The following TAFA5 variants were observed in gnomAD, a reference collection of about 807,000 sequenced individuals.
TAFA5 encodes the protein TAFA chemokine like family member 5, also known as chemokine-like protein TAFA-5.
Under a neutral mutation model 15.3 loss-of-function variants are expected in TAFA5, and 6 were observed. That is an observed-to-expected ratio of 0.39 (90% CI 0.21 to 0.77). The LOEUF is 0.77. Ranked by LOEUF, TAFA5 falls within the 30% of genes least tolerant of loss-of-function variation. The pLI, the probability that TAFA5 is intolerant of heterozygous loss-of-function variation, is 0.41. For missense variants in TAFA5, 161 were observed against 193.1 expected (o/e 0.83, Z 0.98); for synonymous variants, 103 against 80.7 (o/e 1.28, Z -1.48).
chr22:48,654,501 C>T lies in TAFA5; in HGVS notation c.262+7755C>T, dbSNP rs186877624. ...TGCCTGCTCCACAAGGCCCCCACTC[C>T]GTGTGATTCGGGGACAGAGAGCTGC... On this transcript the variant is annotated intron_variant, in intron 2 of 3. Coordinates refer to ENST00000402357, the MANE Select transcript of TAFA5 (RefSeq NM_001082967.3). Among the ~76,000 whole-genome samples the T allele has an allele frequency of 1.2e-4, 19 of 152,356 alleles. No individual in the cohort carries two copies. In the East Asian group the frequency reaches 2.3e-3, roughly 19 times the overall value.
At chr22:48,563,008 C>T (rs1178090913) in intron 1 of TAFA5, among the ~76,000 whole-genome samples, 2 of 152,232 alleles carry the variant, frequency 1.3e-5, no homozygotes, top group Non-Finnish European at 2.9e-5. Flanking sequence ...ATCTCCCACA[C>T]CAGAGCTGGG....
chr22:48,575,408 C>G (rs886633213), intron 1 of TAFA5, among the ~76,000 whole-genome samples: 4 of 146,806 alleles, frequency 2.7e-5, no homozygotes, highest in Non-Finnish European at 4.5e-5. Flanking sequence ...GGGCGCGGGC[C>G]GGAGTCCGAG....
At chr22:48,727,432 C>T (rs1398532284) in intron 3 of TAFA5, among the ~76,000 whole-genome samples, 3 of 152,090 alleles carry the variant, frequency 2.0e-5, no homozygotes, top group African/African-American at 7.2e-5. Flanking sequence ...ATTAAGAGTG[C>T]ATTTGCTTAA....
At chr22:48,528,537 C>G (rs963428411) in intron 1 of TAFA5, among the ~76,000 whole-genome samples, 1 of 152,140 alleles carries the variant, frequency 6.6e-6, no homozygotes, top group Non-Finnish European at 1.5e-5. Context: ...GTCTTCACCC[C>G]CTAGGAGCCT....
At position 48,707,708 on chromosome 22, in the gene TAFA5, C is replaced by T; in HGVS notation, c.263-9C>T. 1 of 1,613,686 alleles carries T rather than the reference C, an allele frequency of 6.2e-7. No homozygotes were observed. The highest frequency in any genetic ancestry group is 8.5e-7 in the Non-Finnish European group (1 of 1,179,736). On this transcript the variant is annotated splice_polypyrimidine_tract_variant and intron_variant, in intron 2 of 3. Transcript: ENST00000402357. The stretch of plus-strand genomic sequence containing the variant: ...AGCACGCTGATTGCCTCTCTCTTTT[C>T]TCCCACAGCAAGAATCATCAAGACC...
rs1928098503 is a variant in TAFA5, at chr22:48,490,241, C to T, written c.112+537C>T. On this transcript the variant is annotated intron_variant, in intron 1 of 3. Transcript: ENST00000402357. The surrounding 1 kb of genome is among the most constrained non-coding windows in gnomAD (Gnocchi z 5.8). ...CCCGGGAAACGGGCTCGTCAGGCGC[C>T]TTCTGGAAAGAGAAGCGAAGTGAGG... Among the ~76,000 whole-genome samples the T allele has an allele frequency of 6.6e-6, 1 of 152,122 alleles. No individual in the cohort carries two copies. Among genetic ancestry groups the T allele is most frequent in the African/African-American group, 2.4e-5 (1 of 41,450 alleles).
At position 48,745,409 on chromosome 22, in the gene TAFA5, G is replaced by A. The variant is rs886397503; in HGVS notation, c.391-4430G>A. Among the ~76,000 whole-genome samples the A allele has an allele frequency of 9.4e-4, 137 of 146,380 alleles. 1 individual carries two copies. The highest frequency in any genetic ancestry group is 3.6e-3 in the Middle Eastern group (1 of 278). ...GTTCACCCTGAGCATGGGCACACAC[G>A]GCTTTGTCGTCGGCGGCTGGCCTGC... On this transcript the variant is annotated intron_variant, in intron 3 of 3. Coordinates refer to ENST00000402357, the MANE Select transcript of TAFA5 (RefSeq NM_001082967.3).
intron 1 of TAFA5, among the ~76,000 whole-genome samples, chr22:48,554,825 C>T (rs929493677): frequency 1.3e-5 from 2 of 152,178 alleles, no homozygotes; most frequent in African/African-American, 2.4e-5. Context: ...TCTCTCTTTC[C>T]CCGAGTGTCA....
intron 2 of TAFA5, among the ~76,000 whole-genome samples, chr22:48,678,670 G>A (rs1175360018): frequency 6.6e-6 from 1 of 152,130 alleles, no homozygotes; most frequent in Non-Finnish European, 1.5e-5. Flanking sequence ...CCACAGGACG[G>A]AAGCCCTGCG....
intron 1 of TAFA5, among the ~76,000 whole-genome samples, chr22:48,575,484 C>G (rs1304782532): frequency 6.8e-6 from 1 of 146,322 alleles, no homozygotes; most frequent in East Asian, 2.0e-4. Flanking sequence ...GCCGCCTCCC[C>G]CGAGGAGCCG....
chr22:48,557,064 G>A (rs1923066256), intron 1 of TAFA5, among the ~76,000 whole-genome samples: 1 of 152,218 alleles, frequency 6.6e-6, no homozygotes, highest in Admixed American at 6.5e-5. Flanking sequence ...GCAGGGAGCG[G>A]GGAGTGCGCC....
At chr22:48,749,141 G>A (rs2147279619) in intron 3 of TAFA5, among the ~76,000 whole-genome samples, 1 of 152,312 alleles carries the variant, frequency 6.6e-6, no homozygotes, top group Admixed American at 6.5e-5. Flanking sequence ...CGTCTCCCGG[G>A]CAAGGAGCAC....
intron 2 of TAFA5, among the ~76,000 whole-genome samples, chr22:48,668,984 T>C (rs1038077906): frequency 6.6e-6 from 1 of 152,184 alleles, no homozygotes; most frequent in African/African-American, 2.4e-5. Context: ...ATCCTCACCC[T>C]CGAGGTGATG....
At chr22:48,544,648 G>C (rs1181205845) in intron 1 of TAFA5, 1 of 468,358 alleles carries the variant, frequency 2.1e-6, no homozygotes, top group Non-Finnish European at 4.4e-6. Context: ...CCTTCTTAAG[G>C]CCTGATGTGC....
intron 1 of TAFA5, among the ~76,000 whole-genome samples, chr22:48,578,860 G>C (rs982943573): frequency 5.9e-5 from 9 of 151,806 alleles, no homozygotes; most frequent in South Asian, 2.1e-4. Flanking sequence ...GAGGTGCAGG[G>C]AGGGGGGTGG....
At position 48,550,611 on chromosome 22, in the gene TAFA5, C is replaced by T. The variant is rs1230661125; in HGVS notation, c.112+60907C>T. 1.3e-5 allele frequency among the ~76,000 whole-genome samples: 2 copies of T among 152,144 alleles called. No individual in the cohort carries two copies. Among genetic ancestry groups the T allele is most frequent in the South Asian group, 2.1e-4 (1 of 4,824 alleles). ...GTTCCTAGCAGGTTCCATCGCCTTCCGCACTTGATGCTGCTGGATCCTCCC... is the reference window on the plus strand; with the variant it reads ...GTTCCTAGCAGGTTCCATCGCCTTCTGCACTTGATGCTGCTGGATCCTCCC... On this transcript the variant is annotated intron_variant, in intron 1 of 3. Coordinates refer to ENST00000402357, the MANE Select transcript of TAFA5 (RefSeq NM_001082967.3). This position sits in a 1 kb window ranked among gnomAD's most constrained non-coding sequence, Gnocchi z 4.1.
intron 1 of TAFA5, among the ~76,000 whole-genome samples, chr22:48,644,216 G>A (rs773223121): frequency 3.9e-5 from 6 of 152,170 alleles, no homozygotes; most frequent in African/African-American, 7.2e-5. Context: ...CACAGCCTTC[G>A]GGGAGGGGGC....
At chr22:48,702,920 C>T (rs1354224919) in intron 2 of TAFA5, among the ~76,000 whole-genome samples, 18 of 152,352 alleles carry the variant, frequency 1.2e-4, no homozygotes, top group Admixed American at 7.8e-4. Context: ...TGCTCAGGGC[C>T]GGCCCGCTGG....
chr22:48,492,523 G>C (rs139608954), intron 1 of TAFA5, among the ~76,000 whole-genome samples: 4 of 152,198 alleles, frequency 2.6e-5, no homozygotes, highest in African/African-American at 7.2e-5. Context: ...TTTCTTTCTC[G>C]TGTGCTGGGA....
Sources: allele counts gnomAD v4.1 joint callset (sites outside exome capture counted in the v4.1 genomes callset), GRCh38; gene constraint gnomAD v4.1.1; non-coding constraint Gnocchi (gnomAD v3.1); transcripts MANE v1.5; gene names NCBI Gene and HGNC (gene_info 2026-07-23, HGNC 2026-07-21).